The following MMAA variants were observed in gnomAD, a reference collection of about 807,000 sequenced individuals.
The protein encoded by MMAA is metabolism of cobalamin associated A, also known as methylmalonic aciduria type A protein, mitochondrial.
MMAA carries 41 observed loss-of-function variants against 45.0 expected under a neutral mutation model. That is an observed-to-expected ratio of 0.91 (90% confidence interval 0.71 to 1.18). The LOEUF is 1.18. Ranked by LOEUF, MMAA falls within the 50% of genes most tolerant of loss-of-function variation. MMAA has a pLI of 0.00. For missense variants in MMAA, 460 were observed against 495.7 expected, an observed-to-expected ratio of 0.93 and a Z score of 0.68; for synonymous variants, 154 against 178.2, an observed-to-expected ratio of 0.86 and a Z score of 1.08.
chr4:145,639,836 A>G (rs1481866982), intron 2 of MMAA: 2 of 984,132 alleles, frequency 2.0e-6, no homozygotes, highest in Non-Finnish European at 2.4e-6. Flanking sequence ...TCTGGATCCC[A>G]GGACAGAAAT....
At chr4:145,631,288 T>C (rs1208549248) in intron 1 of MMAA, among the ~76,000 whole-genome samples, 2 of 152,236 alleles carry the variant, frequency 1.3e-5, no homozygotes, top group Non-Finnish European at 2.9e-5. Context: ...TCTATCTCTC[T>C]ATCTCCAATA....
At chr4:145,627,123 A>C (rs542692571) in intron 1 of MMAA, among the ~76,000 whole-genome samples, 1 of 152,366 alleles carries the variant, frequency 6.6e-6, no homozygotes, top group East Asian at 1.9e-4. Flanking sequence ...TTTTCTGAGA[A>C]AGATTGCAAT....
rs905908025 is a variant in MMAA at position 145,654,677 on chromosome 4, T to C, written c.970-470T>C. On this transcript the variant is annotated intron_variant, in intron 6 of 6. Coordinates refer to ENST00000649156, the MANE Select transcript of MMAA (RefSeq NM_172250.3). ...GTTTTTCCCAATCATGTTGTCTGCA[T>C]TGAGTCTGGATTCACCTCATATATA... 2.0e-5 allele frequency among the ~76,000 whole-genome samples: 3 copies of C among 152,208 alleles called. No individual in the cohort carries two copies. The South Asian group carries it at 6.2e-4, about 32-fold the overall frequency.
Position 145,655,250 on chromosome 4 carries a change from A to C in MMAA, c.1073A>C (p.Lys358Thr), listed in dbSNP as rs1728195214. The change falls in exon 7 of 7, where the codon AAA (lysine) becomes ACA (threonine). Residue 358 changes from lysine to threonine, a missense_variant. Lys to Thr is a moderately conservative substitution (Grantham distance 78). Transcript: ENST00000649156. ...LMLASGELTA[K>T]RRKQQKVWMW... ...CTTGCCAGTGGGGAGCTGACTGCCA[A>C]ACGACGGAAGCAACAGAAAGTTTGG... 2 of 1,614,194 alleles carry C rather than the reference A, an allele frequency of 1.2e-6. No homozygotes were observed. The highest frequency in any genetic ancestry group is 2.2e-5 in the East Asian group (1 of 44,884).
chr4:145,652,454 C>T (rs953722957), intron 5 of MMAA, among the ~76,000 whole-genome samples: 10 of 152,036 alleles, frequency 6.6e-5, no homozygotes, highest in South Asian at 2.1e-4. Flanking sequence ...ATAGGCCGGG[C>T]GCAGTGGCTC....
chr4:145,624,362 G>T lies in MMAA; in HGVS notation c.-66+4955G>T, dbSNP rs867327151. The T allele has an allele frequency of 2.2e-5, 17 of 781,106 alleles. 1 individual carries two copies. The African/African-American group carries it at 2.5e-4, about 12-fold the overall frequency. 48.4% of individuals were successfully genotyped at this position (781,106 alleles called of 1,614,324 possible). On this transcript the variant is annotated intron_variant, in intron 1 of 6. Coordinates refer to ENST00000649156, the MANE Select transcript of MMAA (RefSeq NM_172250.3). ...CTCCAGAGGATAGCTGGCTGAGGTT[G>T]CCCATCTTCTTTCCCAGCAGGAGCC...
chr4:145,644,560 T>C (rs566408117), intron 3 of MMAA, among the ~76,000 whole-genome samples: 1 of 152,326 alleles, frequency 6.6e-6, no homozygotes, highest in Non-Finnish European at 1.5e-5. Context: ...TAAAGCAAAG[T>C]AGTAAAACAT....
At chr4:145,648,008 C>T (rs1386358377) in intron 4 of MMAA, among the ~76,000 whole-genome samples, 1 of 151,192 alleles carries the variant, frequency 6.6e-6, no homozygotes, top group African/African-American at 2.4e-5. Flanking sequence ...AGGCGCCTGC[C>T]ACCATGCCCA....
chr4:145,653,468 A>G (rs915978765), intron 5 of MMAA, among the ~76,000 whole-genome samples: 4 of 152,206 alleles, frequency 2.6e-5, no homozygotes, highest in Non-Finnish European at 4.4e-5. Context: ...AATACAAAGT[A>G]TAAAAATAAA....
chr4:145,630,927 GTTGT>G lies in MMAA; in HGVS notation c.-65-8145_-65-8142del, dbSNP rs560350145. ...TGACCCAGTGTTCATTCAGGAACAT[GTTGT>G]TTAATTTCCATATATTTGTATAGTT... On this transcript the variant is annotated intron_variant, in intron 1 of 6. Coordinates refer to ENST00000649156, the MANE Select transcript of MMAA (RefSeq NM_172250.3). Among the ~76,000 whole-genome samples, 418 of 152,274 alleles carry G rather than the reference GTTGT, an allele frequency of 2.7e-3. 1 individual carries two copies. The highest frequency in any genetic ancestry group is 3.1e-3 in the Non-Finnish European group (211 of 68,026).
chr4:145,624,877 G>T (rs1320030261), intron 1 of MMAA: 3 of 1,606,994 alleles, frequency 1.9e-6, no homozygotes, highest in East Asian at 2.2e-5. Context: ...ACCATGCTGG[G>T]GGTGTACAAT....
chr4:145,649,509 TAAGG>T, intron 4 of MMAA, among the ~76,000 whole-genome samples: 1 of 152,070 alleles, frequency 6.6e-6, no homozygotes, highest in Middle Eastern at 3.4e-3. Flanking sequence ...GAAAGGGAAA[TAAGG>T]AAGCAGAGAG....
At chr4:145,647,590 G>C (rs1488368633) in intron 4 of MMAA, among the ~76,000 whole-genome samples, 1 of 152,158 alleles carries the variant, frequency 6.6e-6, no homozygotes, top group Non-Finnish European at 1.5e-5. Context: ...ACATCAAGGT[G>C]CCCATAGGGT....
At chr4:145,653,772 A>G (rs543565577) in intron 5 of MMAA, among the ~76,000 whole-genome samples, 1 of 152,366 alleles carries the variant, frequency 6.6e-6, no homozygotes, top group East Asian at 1.9e-4. Flanking sequence ...GTATTTCAAC[A>G]TGTTAGTCTC....
At chr4:145,626,097 C>T (rs1399855532) in intron 1 of MMAA, 1 of 675,080 alleles carries the variant, frequency 1.5e-6, no homozygotes, top group Non-Finnish European at 2.5e-6. Flanking sequence ...CTTGGGTGGA[C>T]TGAGACACGG....
chr4:145,643,536 C>G (rs1446974237), intron 3 of MMAA, among the ~76,000 whole-genome samples: 1 of 152,114 alleles, frequency 6.6e-6, no homozygotes, highest in Non-Finnish European at 1.5e-5. Context: ...TAGACGTGGA[C>G]AATTCCTATT....
chr4:145,625,558 T>C, intron 1 of MMAA: 3 of 758,662 alleles, frequency 4.0e-6, no homozygotes, highest in Non-Finnish European at 7.4e-6. Flanking sequence ...GAAATTTGAA[T>C]TGTTTTGAGA....
intron 4 of MMAA, among the ~76,000 whole-genome samples, chr4:145,647,880 A>G (rs1727974095): frequency 6.6e-6 from 1 of 152,104 alleles, no homozygotes; most frequent in African/African-American, 2.4e-5. Context: ...TTTTTGAGAC[A>G]GAGTCTTGCT....
At position 145,639,175 on chromosome 4, in the gene MMAA, C is replaced by T. The variant is rs1661385949; in HGVS notation, c.36C>T (p.Phe12=). The T allele has an allele frequency of 6.2e-7, 1 of 1,614,184 alleles. No individual in the cohort carries two copies. The highest frequency in any genetic ancestry group is 8.5e-7 in the Non-Finnish European group (1 of 1,180,026). Residue 12 remains phenylalanine (F), a synonymous_variant, in exon 2 of 7, where the codon TTC becomes TTT. Transcript: ENST00000649156. ...PMLLPHPHQH[F]LKGLLRAPFR... ...TGCTACCACATCCTCACCAGCATTTCCTAAAAGGCCTTTTAAGAGCACCTT... is the reference window on the plus strand; with the variant it reads ...TGCTACCACATCCTCACCAGCATTTTCTAAAAGGCCTTTTAAGAGCACCTT...
Sources: allele counts gnomAD v4.1 joint callset (sites outside exome capture counted in the v4.1 genomes callset), GRCh38; gene constraint gnomAD v4.1.1; transcripts MANE v1.5; gene names NCBI Gene and HGNC (gene_info 2026-07-23, HGNC 2026-07-21).